Variants in BAZ2A observed in about 807,000 individuals in gnomAD.
The protein encoded by BAZ2A is bromodomain adjacent to zinc finger domain protein 2A.
In BAZ2A, 34 loss-of-function variants were observed where a neutral mutation model predicts 199.9. The ratio of observed to expected loss-of-function variants is 0.17; its 90% CI spans 0.13 to 0.23. The LOEUF (loss-of-function observed/expected upper bound fraction) is 0.23. BAZ2A is among the 10% of genes least tolerant of loss of function. The probability of loss-of-function intolerance (pLI) is 1.00; values close to 1 mark genes in which losing one functional copy is unlikely to be tolerated. For missense variants in BAZ2A, 2,002 were observed against 2,391.1 expected, an observed-to-expected ratio of 0.84 and a Z score of 3.39; for synonymous variants, 857 against 883.9, an observed-to-expected ratio of 0.97 and a Z score of 0.54.
intron 1 of BAZ2A, among the ~76,000 whole-genome samples, chr12:56,628,833 G>GCT (rs528841305): frequency 6.1e-4 from 93 of 152,294 alleles, no homozygotes; most frequent in Non-Finnish European, 9.8e-4. Context: ...CTCCCTGACA[G>GCT]CTCTCTATGC....
At chr12:56,605,538 C>T in intron 13 of BAZ2A, 1 of 627,326 alleles carries the variant, frequency 1.6e-6, no homozygotes. Flanking sequence ...TCTCCCACCT[C>T]AGTCTCTCAA....
At chr12:56,637,246 C>T (rs185536250), upstream of BAZ2A, among the ~76,000 whole-genome samples, 253 of 152,306 alleles carry the variant, frequency 1.7e-3, 1 homozygote, top group African/African-American at 5.9e-3. Flanking sequence ...ACAAGAGGAA[C>T]CCAATCTGAC....
chr12:56,617,616 C>T lies in BAZ2A; in HGVS notation c.-2-84G>A, dbSNP rs1950765387. ...CTGGAATCTTCCAGGGGCAATGACCCCTCCCCTCCACCTACTTACCCTTCT... is the reference window on the plus strand; with the variant it reads ...CTGGAATCTTCCAGGGGCAATGACCTCTCCCCTCCACCTACTTACCCTTCT... On this transcript the variant is annotated intron_variant, in intron 1 of 28. Coordinates refer to ENST00000549884, the MANE Select transcript of BAZ2A (RefSeq NM_001300905.2). 11 of 1,412,102 alleles carry T rather than the reference C, an allele frequency of 7.8e-6. 2 individuals carry two copies. In the South Asian group the frequency reaches 1.1e-4, roughly 15 times the overall value. The allele number at this position is 1,412,102 out of a possible 1,614,324, so 87.5% of individuals were successfully genotyped here.
At chr12:56,637,249 A>G (rs1398095520), upstream of BAZ2A, among the ~76,000 whole-genome samples, 1 of 152,232 alleles carries the variant, frequency 6.6e-6, no homozygotes, top group Non-Finnish European at 1.5e-5. Context: ...AGAGGAACCC[A>G]ATCTGACCTT....
At position 56,599,185 on chromosome 12, in the gene BAZ2A, G is replaced by T. The variant is rs778492865; in HGVS notation, c.5346C>A (p.Pro1782=). ...GPRYSEEGLS[P]SKRRRLSMRN... is the part of the protein sequence containing the mutation. ...GCATAGAGAGTCGCCGCCGCTTGGA[G>T]GGGGAGAGCCCTTCTTCCGAGTACC... The change falls in exon 27 of 29, where the codon CCC becomes CCA. Residue 1782 remains proline (P), a synonymous_variant. Transcript: ENST00000549884. 2.5e-6 allele frequency: 4 copies of T among 1,613,164 alleles called. No homozygotes were observed. Among genetic ancestry groups the T allele is most frequent in the Admixed American group, 3.3e-5 (2 of 59,906 alleles).
rs1885906778 is a variant in BAZ2A, at chr12:56,597,298, T to C, written c.*1320A>G. 1 of 152,276 alleles carries C rather than the reference T, an allele frequency of 6.6e-6. No individual in the cohort carries two copies. Among genetic ancestry groups the C allele is most frequent in the African/African-American group, 2.4e-5 (1 of 41,270 alleles). 9.4% of individuals were successfully genotyped at this position (152,276 alleles called of 1,614,324 possible). On this transcript the variant is annotated 3_prime_UTR_variant, in exon 29 of 29. Transcript: ENST00000549884. The stretch of plus-strand genomic sequence containing the variant: ...ACAACTAAATGGGATTAGGAAATGA[T>C]CCAGTTCTACCACTCTCCCGTAGAA...
At chr12:56,629,819 A>G (rs1211397656) in intron 1 of BAZ2A, among the ~76,000 whole-genome samples, 4 of 121,466 alleles carry the variant, frequency 3.3e-5, no homozygotes, top group South Asian at 5.4e-4. Flanking sequence ...AGTCCCCCAC[A>G]GGAGTCATCT....
upstream of BAZ2A, among the ~76,000 whole-genome samples, chr12:56,633,576 TAGC>T (rs1396871032): frequency 6.6e-6 from 1 of 152,118 alleles, no homozygotes; most frequent in Non-Finnish European, 1.5e-5. Flanking sequence ...AGGATCTGTC[TAGC>T]AGGGAGATGG....
At position 56,599,686 on chromosome 12, in the gene BAZ2A, A is replaced by T. The variant is rs748390953; in HGVS notation, c.5172+16T>A. The T allele has an allele frequency of 6.2e-7, 1 of 1,612,726 alleles. No homozygotes were observed. Among genetic ancestry groups the T allele is most frequent in the Non-Finnish European group, 8.5e-7 (1 of 1,179,766 alleles). ...ATTTCTGTTTGAGTGTGGGAAAGAAAGAGCAGAAGCCTTACCTGAGCCAAA... is the reference window on the plus strand; with the variant it reads ...ATTTCTGTTTGAGTGTGGGAAAGAATGAGCAGAAGCCTTACCTGAGCCAAA... On this transcript the variant is annotated intron_variant, in intron 26 of 28. Transcript: ENST00000549884.
At chr12:56,602,375 A>C (rs1886585093) in intron 19 of BAZ2A, among the ~76,000 whole-genome samples, 183 bp from the exon 20 acceptor site, 1 of 152,254 alleles carries the variant, frequency 6.6e-6, no homozygotes, top group Non-Finnish European at 1.5e-5. Context: ...CTATTCTCCC[A>C]AGTAATCAGC....
chr12:56,606,850 G>C (rs1032722872), intron 10 of BAZ2A, 117 bp from the exon 11 acceptor site: 2 of 771,080 alleles, frequency 2.6e-6, no homozygotes, highest in Non-Finnish European at 4.3e-6. Context: ...GAAGAATCTA[G>C]AGTAGCTTTT....
At chr12:56,599,067 T>TC (rs745879506) in intron 27 of BAZ2A, 56 bp from the exon 28 acceptor site, 31 of 1,599,910 alleles carry the variant, frequency 1.9e-5, no homozygotes, top group Non-Finnish European at 2.6e-5. Flanking sequence ...TACTGACCCC[T>TC]CCCAGCCCTT....
chr12:56,622,463 A>C (rs535495352), intron 1 of BAZ2A, among the ~76,000 whole-genome samples: 1 of 152,362 alleles, frequency 6.6e-6, no homozygotes, highest in Admixed American at 6.5e-5. Flanking sequence ...TGTCACTTAA[A>C]TATGGGAATT....
At position 56,602,064 on chromosome 12, in the gene BAZ2A, G is replaced by A. The variant is rs1242540839; in HGVS notation, c.3553C>T (p.Arg1185Trp). The stretch of plus-strand genomic sequence containing the variant: ...GTTTTTCGAGGTCGGCCTCGGGCCC[G>A]GGCAGGAGAACTGGCAGTGGTGTTG... ...GSNTTASSPA[R>W]ARGRPRKTKP... Residue 1185 changes from arginine to tryptophan, a missense_variant, in exon 20 of 29, where the codon CGG becomes TGG. Physicochemically the swap from Arg to Trp is moderately radical, Grantham distance 101. Coordinates refer to ENST00000549884, the MANE Select transcript of BAZ2A (RefSeq NM_001300905.2). The A allele has an allele frequency of 1.1e-5, 17 of 1,564,122 alleles. No homozygotes were observed. The highest frequency in any genetic ancestry group is 5.9e-5 in the South Asian group (5 of 84,986).
chr12:56,603,590 C>A lies in BAZ2A; in HGVS notation c.3149G>T (p.Gly1050Val), dbSNP rs749649502. 1.2e-6 allele frequency: 2 copies of A among 1,614,080 alleles called. No homozygotes were observed. Among genetic ancestry groups the A allele is most frequent in the Non-Finnish European group, 8.5e-7 (1 of 1,179,910 alleles). ...RSSRIMEETS[G>V]MEEEEEEESI... ...CTCCTCTTCTTCCTCTTCTTCCATG[C>A]CACTGGTCTCCTCCATGATCCGAGA... is the stretch of plus-strand genomic sequence containing the variant. Residue 1050 changes from glycine (G) to valine (V), a missense_variant, in exon 17 of 29, where the codon GGC (glycine) becomes GTC (valine). Physicochemically the swap from Gly to Val is moderately radical, Grantham distance 109. Coordinates refer to ENST00000549884, the MANE Select transcript of BAZ2A (RefSeq NM_001300905.2).
chr12:56,628,044 C>A (rs1284190332), intron 1 of BAZ2A, among the ~76,000 whole-genome samples: 3 of 150,114 alleles, frequency 2.0e-5, no homozygotes, highest in Admixed American at 1.3e-4. Context: ...TAGCTGGATG[C>A]GGTGGCGGGC....
Position 56,598,697 on chromosome 12 carries a change from C to T in BAZ2A, c.5633G>A (p.Gly1878Asp), listed in dbSNP as rs1252549058. ...QTFNEDDSEV[G>D]KAGHIMRRFF... ...GCGGCGCATGATGTGCCCAGCCTTG[C>T]CTACTTCAGAGTCATCCTCGTTGAA... The change falls in exon 29 of 29, where the codon GGC (glycine) becomes GAC (aspartate). Residue 1878 changes from glycine (G) to aspartate (D), a missense_variant. By Grantham distance (94) the Gly-to-Asp change is moderately conservative. Coordinates refer to ENST00000549884, the MANE Select transcript of BAZ2A (RefSeq NM_001300905.2). 6.2e-7 allele frequency: 1 copy of T among 1,613,754 alleles called. No homozygotes were observed.
intron 13 of BAZ2A, 90 bp downstream of exon 13, chr12:56,605,740 A>C (rs1950327646): frequency 7.5e-7 from 1 of 1,335,680 alleles, no homozygotes; most frequent in Non-Finnish European, 1.0e-6. Flanking sequence ...TCTTTAATGG[A>C]AATGTCTCTC....
Position 56,601,759 on chromosome 12 carries a change from G to A in BAZ2A, c.3858C>T (p.Leu1286=). ...SHSSLLSSSV[L]TPDSSPGKLD... ...GTTTTCCCGGACTGCTATCAGGTGT[G>A]AGGACTGAGCTGCTCAACAGGGAGC... is the stretch of plus-strand genomic sequence containing the variant. The change falls in exon 20 of 29, where the codon CTC becomes CTT. Residue 1286 remains leucine (L), a synonymous_variant. Coordinates refer to ENST00000549884, the MANE Select transcript of BAZ2A (RefSeq NM_001300905.2). The A allele has an allele frequency of 1.2e-6, 2 of 1,614,006 alleles. No homozygotes were observed. The highest frequency in any genetic ancestry group is 1.1e-5 in the South Asian group (1 of 91,088).
Sources: allele counts gnomAD v4.1 joint callset (sites outside exome capture counted in the v4.1 genomes callset), GRCh38; gene constraint gnomAD v4.1.1; transcripts MANE v1.5; gene names NCBI Gene and HGNC (gene_info 2026-07-23, HGNC 2026-07-21).